Variants in LRBA observed in about 807,000 individuals in gnomAD.
The protein encoded by LRBA is LPS responsive beige-like anchor protein.
In LRBA, 176 loss-of-function variants were observed where a neutral mutation model predicts 330.0. The observed-to-expected ratio is 0.53, with a 90% CI of 0.47 to 0.60. The LOEUF is 0.60. Among genes scored for constraint, LRBA ranks in the 20% least tolerant of loss-of-function variants. The pLI, the probability that LRBA is intolerant of heterozygous loss-of-function variation, is 0.00. For synonymous variants in LRBA, 1,230 were observed against 1,193.0 expected (o/e 1.03, Z -0.64); for missense variants, 3,259 against 3,444.8 (o/e 0.95, Z 1.35).
At chr4:150,360,842 A>G (rs569941514) in intron 47 of LRBA, among the ~76,000 whole-genome samples, 1 of 152,208 alleles carries the variant, frequency 6.6e-6, no homozygotes, top group Non-Finnish European at 1.5e-5. Flanking sequence ...TCAGCCATTT[A>G]TAGATCTCTG....
chr4:150,674,902 C>G (rs2126881050), intron 37 of LRBA, among the ~76,000 whole-genome samples: 1 of 152,016 alleles, frequency 6.6e-6, no homozygotes, highest in South Asian at 2.1e-4. Context: ...AGAACAAAAA[C>G]CAAACTAATA....
intron 28 of LRBA, chr4:150,840,470 G>A (rs1265854223): frequency 6.6e-6 from 1 of 152,172 alleles, no homozygotes; most frequent in African/African-American, 2.4e-5. Flanking sequence ...CAATATTGTT[G>A]TGTTTCAGGA....
chr4:150,470,875 A>C (rs4998825), intron 43 of LRBA, among the ~76,000 whole-genome samples: 43,682 of 92,426 alleles, frequency 0.47, 6,969 homozygotes, highest in Middle Eastern at 0.57. Context: ...ACACACACAC[A>C]CCACACACTA....
chr4:150,720,197 C>CA (rs546251995), intron 36 of LRBA, among the ~76,000 whole-genome samples: 2 of 151,618 alleles, frequency 1.3e-5, no homozygotes, highest in Non-Finnish European at 2.9e-5. Flanking sequence ...CACAATGGAA[C>CA]AAAAAAGTAT....
intron 55 of LRBA, 152 bp downstream of exon 55, chr4:150,282,298 G>T: frequency 3.0e-6 from 2 of 660,680 alleles, no homozygotes; most frequent in South Asian, 3.9e-5. Context: ...TGTGAGCCTT[G>T]TCTGAGTGCT....
rs965240245 is a variant in LRBA, at chr4:150,587,916, T to C, written c.6330+132A>G. The C allele has an allele frequency of 3.5e-6, 3 of 868,492 alleles. No individual in the cohort carries two copies. In the South Asian group the frequency reaches 7.4e-5, roughly 21 times the overall value. The allele number at this position is 868,492 out of a possible 1,614,324, so 53.8% of individuals were successfully genotyped here. A position where few individuals can be genotyped will look rare whatever the true frequency, so the allele number is the denominator to read the frequency against. ...GGGAATCATAAACTAAAGAAGATAA[T>C]GACATTGCATATAAGCCAAGGCAAC... is the stretch of plus-strand genomic sequence containing the variant. On this transcript the variant is annotated intron_variant, in intron 40 of 56. Transcript: ENST00000651943.
intron 40 of LRBA, among the ~76,000 whole-genome samples, chr4:150,497,491 T>C (rs1450945541): frequency 1.3e-5 from 2 of 152,114 alleles, no homozygotes; most frequent in African/African-American, 4.8e-5. Context: ...ACATAAAAAA[T>C]AAAATTACCT....
chr4:150,607,968 G>C (rs1383749615), intron 37 of LRBA, among the ~76,000 whole-genome samples: 3 of 152,232 alleles, frequency 2.0e-5, no homozygotes, highest in African/African-American at 7.2e-5. Flanking sequence ...CTGGGAGGCA[G>C]AAGTTGCAGT....
chr4:150,584,176 A>C, intron 40 of LRBA: 1 of 1,432,714 alleles, frequency 7.0e-7, no homozygotes, highest in South Asian at 1.8e-5. Flanking sequence ...ACTCTGCTAT[A>C]AACAGCAGAA....
chr4:150,916,594 T>C (rs377761834), intron 6 of LRBA, 23 bp downstream of exon 6: 13 of 1,601,454 alleles, frequency 8.1e-6, no homozygotes, highest in Non-Finnish European at 9.4e-6. Flanking sequence ...GTTTTAACAC[T>C]AATCAGTTAC....
intron 44 of LRBA, among the ~76,000 whole-genome samples, chr4:150,464,210 C>T (rs1755152989): frequency 6.6e-6 from 1 of 151,860 alleles, no homozygotes; most frequent in Admixed American, 6.6e-5. Context: ...TGGATTCAGC[C>T]CTGAAACAGA....
chr4:150,356,868 T>C (rs2055688), intron 47 of LRBA, among the ~76,000 whole-genome samples: 13,367 of 151,968 alleles, frequency 0.088, 923 homozygotes, highest in South Asian at 0.24. Context: ...AAACAAGCTT[T>C]ATCCTATTTA....
intron 37 of LRBA, among the ~76,000 whole-genome samples, chr4:150,667,522 C>G (rs1236983662): frequency 2.6e-5 from 4 of 152,092 alleles, no homozygotes; most frequent in Non-Finnish European, 4.4e-5. Context: ...AATTTTCCCC[C>G]AAAAACCTGC....
chr4:150,415,517 T>C lies in LRBA; in HGVS notation c.7115A>G (p.Asp2372Gly), dbSNP rs565708911. The C allele has an allele frequency of 6.2e-7, 1 of 1,606,378 alleles. No homozygotes were observed. The highest frequency in any genetic ancestry group is 2.2e-5 in the East Asian group (1 of 44,800). ...NFNNYNLGVM[D>G]DGTVVSDVEL... is the part of the protein sequence containing the mutation. ...GACATCAGACACTACTGTCCCATCA[T>C]CCATCACTCCAAGATTATAATTATT... The change falls in exon 47 of 57, where the codon GAT (aspartate) becomes GGT (glycine). Residue 2372 changes from aspartate to glycine, a missense_variant. Asp to Gly is a moderately conservative substitution (Grantham distance 94). Coordinates refer to ENST00000651943, the MANE Select transcript of LRBA (RefSeq NM_001364905.1).
chr4:151,008,133 T>C (rs1744335266), intron 2 of LRBA, among the ~76,000 whole-genome samples: 1 of 151,418 alleles, frequency 6.6e-6, no homozygotes, highest in South Asian at 2.1e-4. Context: ...CAGGCTGGAG[T>C]GCAGTGGTGT....
chr4:150,579,119 C>T (rs1389596179), intron 40 of LRBA: 1 of 385,392 alleles, frequency 2.6e-6, no homozygotes, highest in Non-Finnish European at 5.1e-6. Flanking sequence ...CTTTCTCTCA[C>T]TTGGTCTCCT....
At chr4:150,268,159 A>AACTGT (rs1440605148) in intron 56 of LRBA, among the ~76,000 whole-genome samples, 1 of 152,214 alleles carries the variant, frequency 6.6e-6, no homozygotes, top group Non-Finnish European at 1.5e-5. Context: ...TATTAGAAAC[A>AACTGT]ACTGTATACC....
intron 48 of LRBA, among the ~76,000 whole-genome samples, chr4:150,341,432 T>A (rs1045932341): frequency 2.6e-5 from 4 of 152,112 alleles, no homozygotes; most frequent in African/African-American, 9.7e-5. Flanking sequence ...CCTCCCAAAG[T>A]GCTGGGATTA....
chr4:150,842,260 C>T (rs1468492374), intron 28 of LRBA, among the ~76,000 whole-genome samples: 1 of 152,064 alleles, frequency 6.6e-6, no homozygotes, highest in Non-Finnish European at 1.5e-5. Context: ...TTAGAGAATT[C>T]TGAAAGAAAA....
Sources: allele counts gnomAD v4.1 joint callset (sites outside exome capture counted in the v4.1 genomes callset), GRCh38; gene constraint gnomAD v4.1.1; transcripts MANE v1.5; gene names NCBI Gene and HGNC (gene_info 2026-07-23, HGNC 2026-07-21).